Variants in ZMYM2 observed in about 807,000 individuals in gnomAD.
The protein encoded by ZMYM2 is zinc finger MYM-type protein 2.
In ZMYM2, 56 loss-of-function variants were observed where a neutral mutation model predicts 162.8. That is an observed-to-expected ratio of 0.34 (90% CI 0.28 to 0.43). The LOEUF (loss-of-function observed/expected upper bound fraction) is 0.43, where lower values mean the gene tolerates loss of function less well. ZMYM2 is among the 20% of genes least tolerant of loss of function. The pLI is 1.00. For missense variants in ZMYM2, 1,275 were observed against 1,621.8 expected (o/e 0.79, Z 3.67); for synonymous variants, 510 against 541.6 (o/e 0.94, Z 0.81).
At chr13:19,887,049 G>T in the ZMYM2 span, among the ~76,000 whole-genome samples, 2 of 151,748 alleles carry the variant, frequency 1.3e-5, no homozygotes, top group African/African-American at 2.4e-5. Context: ...CCTGCAAATT[G>T]GTAATTGCAT....
At chr13:19,882,411 A>C in the ZMYM2 span, among the ~76,000 whole-genome samples, 2 of 152,186 alleles carry the variant, frequency 1.3e-5, no homozygotes, top group Admixed American at 6.6e-5. Flanking sequence ...GCACATGAAA[A>C]GATGTTCAAC....
At chr13:19,908,009 C>T in the ZMYM2 span, among the ~76,000 whole-genome samples, 1 of 152,024 alleles carries the variant, frequency 6.6e-6, no homozygotes, top group South Asian at 2.1e-4. Flanking sequence ...ATTTTGCAGC[C>T]AGCCGTGGTG....
chr13:20,003,739 C>G (rs1230199636), intron 4 of ZMYM2, among the ~76,000 whole-genome samples: 5 of 151,844 alleles, frequency 3.3e-5, no homozygotes, highest in Non-Finnish European at 7.4e-5. Flanking sequence ...TCCTCCACCT[C>G]CTGGGTTCAA....
At chr13:19,870,430 G>A in the ZMYM2 span, among the ~76,000 whole-genome samples, 404 of 151,928 alleles carry the variant, frequency 2.7e-3, no homozygotes, top group Non-Finnish European at 4.4e-3. Context: ...GCACCACTGC[G>A]CCTGACCATA....
At chr13:19,960,236 G>A (rs1955050537) in intron 2 of ZMYM2, among the ~76,000 whole-genome samples, 1 of 152,214 alleles carries the variant, frequency 6.6e-6, no homozygotes, top group African/African-American at 2.4e-5. Context: ...CGCTCCTGCT[G>A]CTGCAATACC....
chr13:20,082,012 A>G lies in ZMYM2; in HGVS notation c.3454-4A>G, dbSNP rs765896744. On this transcript the variant is annotated splice_polypyrimidine_tract_variant and splice_region_variant and intron_variant, in intron 21 of 24. Coordinates refer to ENST00000610343, the MANE Select transcript of ZMYM2 (RefSeq NM_197968.4). The stretch of plus-strand genomic sequence containing the variant: ...AGTTTGTGGGGCTTTTTTTTTTTTT[A>G]TAGTATTTGTGTGGAAGTAATCGAA... 6.6e-6 allele frequency: 9 copies of G among 1,372,050 alleles called. No individual in the cohort carries two copies. Among genetic ancestry groups the G allele is most frequent in the Non-Finnish European group, 8.6e-6 (9 of 1,047,254 alleles). The allele number at this position is 1,372,050 out of a possible 1,614,324, so 85.0% of individuals were successfully genotyped here. A position where few individuals can be genotyped will look rare whatever the true frequency, so the allele number is the denominator to read the frequency against.
At chr13:20,085,765 A>G in intron 24 of ZMYM2, 57 bp from the exon 25 acceptor site, 1 of 1,521,234 alleles carries the variant, frequency 6.6e-7, no homozygotes, top group African/African-American at 1.4e-5. Flanking sequence ...GAAAAAAGAA[A>G]AAGTTGTGGA....
chr13:20,087,519 T>TAGC lies in ZMYM2; in HGVS notation c.*1507_*1509dup. ...AAATTGAGCTATTTTCCATAGTGGC[T>TAGC]AGCAATTGCTACACATCCTTAGATA... On this transcript the variant is annotated 3_prime_UTR_variant, in exon 25 of 25. Transcript: ENST00000610343. 5.4e-6 allele frequency: 1 copy of TAGC among 186,246 alleles called. No homozygotes were observed. Among genetic ancestry groups the TAGC allele is most frequent in the East Asian group, 8.6e-5 (1 of 11,600 alleles). 11.5% of individuals were successfully genotyped at this position (186,246 alleles called of 1,614,324 possible).
At position 20,082,789 on chromosome 13, in the gene ZMYM2, T is replaced by C; in HGVS notation, c.3577T>C (p.Phe1193Leu). ...QPSILPDGSI[F>L]SRVEEDYLWR... ...AGTTCTCTCTATTTAAGGGTCAATA[T>C]TCTCTCGAGTTGAAGAAGACTATCT... Residue 1193 changes from phenylalanine (F) to leucine (L), a missense_variant, in exon 23 of 25, where the codon TTC (phenylalanine) becomes CTC (leucine). Transcript: ENST00000610343. 2.5e-6 allele frequency: 4 copies of C among 1,602,406 alleles called. No homozygotes were observed. The highest frequency in any genetic ancestry group is 3.4e-6 in the Non-Finnish European group (4 of 1,172,874).
At chr13:19,913,410 AG>A in the ZMYM2 span, among the ~76,000 whole-genome samples, 237 of 152,178 alleles carry the variant, frequency 1.6e-3, no homozygotes, top group African/African-American at 5.3e-3. Flanking sequence ...GGTGCTTACT[AG>A]ATTAGGCCCT....
At chr13:19,933,975 T>C in the ZMYM2 span, among the ~76,000 whole-genome samples, 32 of 152,322 alleles carry the variant, frequency 2.1e-4, no homozygotes, top group African/African-American at 7.0e-4. Context: ...TTACAATTAT[T>C]GTAATTACTT....
the ZMYM2 span, among the ~76,000 whole-genome samples, chr13:19,914,382 G>A: frequency 1.1e-4 from 16 of 152,170 alleles, no homozygotes; most frequent in Non-Finnish European, 2.1e-4. Flanking sequence ...TGGTCATGGT[G>A]GCAGGGATGG....
intron 2 of ZMYM2, among the ~76,000 whole-genome samples, chr13:19,961,600 G>A (rs1320463573): frequency 6.6e-6 from 1 of 152,124 alleles, no homozygotes; most frequent in Non-Finnish European, 1.5e-5. Flanking sequence ...TATGTTGATA[G>A]GGGAAGCTTG....
rs114211452 is a variant in ZMYM2, at chr13:19,967,330, A to G, written c.-11+7304A>G. ...AGATATATGAGGGCCTCACATGGAA[A>G]GGGAACTAGTGAGTACTAAGAGAAG... On this transcript the variant is annotated intron_variant, in intron 2 of 24. Transcript: ENST00000610343. 8.2e-3 allele frequency among the ~76,000 whole-genome samples: 1,256 copies of G among 152,322 alleles called. 21 individuals are homozygous for G. Among genetic ancestry groups the G allele is most frequent in the African/African-American group, 0.029 (1,198 of 41,560 alleles).
chr13:20,066,783 G>T, intron 19 of ZMYM2, 68 bp from the exon 20 acceptor site: 3 of 1,391,330 alleles, frequency 2.2e-6, no homozygotes, highest in Non-Finnish European at 2.8e-6. Flanking sequence ...TTGAGAGATG[G>T]CTTGTATAAA....
chr13:20,078,249 TG>T (rs1478288420), intron 21 of ZMYM2, among the ~76,000 whole-genome samples: 1 of 152,160 alleles, frequency 6.6e-6, no homozygotes, highest in East Asian at 1.9e-4. Flanking sequence ...AAATTAATGG[TG>T]GATTATTTTA....
At chr13:20,010,627 T>TTGTTTGTC (rs900905608) in intron 6 of ZMYM2, among the ~76,000 whole-genome samples, 2 of 143,002 alleles carry the variant, frequency 1.4e-5, no homozygotes, top group African/African-American at 5.1e-5. Flanking sequence ...TTTTTGTTTT[T>TTGTTTGTC]TGTTTGTCTG....
intron 2 of ZMYM2, among the ~76,000 whole-genome samples, chr13:19,963,397 CA>C (rs1955456600): frequency 1.3e-5 from 2 of 152,138 alleles, no homozygotes; most frequent in South Asian, 2.1e-4. Context: ...ATAACACTTA[CA>C]AAGTTGTCAA....
intron 2 of ZMYM2, among the ~76,000 whole-genome samples, chr13:19,962,049 C>G (rs974004223): frequency 1.1e-4 from 16 of 152,154 alleles, no homozygotes; most frequent in African/African-American, 3.9e-4. Flanking sequence ...ATAAAGTGGT[C>G]CCTACTTTTC....
Sources: gnomAD v4.1 joint callset for allele counts (sites outside exome capture counted in the v4.1 genomes callset) on GRCh38, gnomAD v4.1.1 for gene constraint, MANE v1.5 for transcripts, NCBI Gene and HGNC (gene_info 2026-07-23, HGNC 2026-07-21) for gene names.